ADGRA2: variants seen among roughly 807,000 people sequenced by gnomAD.
ADGRA2 encodes the protein G-protein coupled receptor 124.
Under a neutral mutation model 98.7 loss-of-function variants are expected in ADGRA2, and 61 were observed. That is an observed-to-expected ratio of 0.62 (90% CI 0.50 to 0.76). The LOEUF (loss-of-function observed/expected upper bound fraction) is 0.76. Ranked by LOEUF, ADGRA2 falls within the 30% of genes least tolerant of loss-of-function variation. The probability of loss-of-function intolerance (pLI) is 0.00; values close to 1 mark genes in which losing one functional copy is unlikely to be tolerated. For synonymous variants in ADGRA2, 858 were observed against 831.5 expected (o/e 1.03, Z -0.55); for missense variants, 1,712 against 1,860.0 (o/e 0.92, Z 1.46).
intron 1 of ADGRA2, among the ~76,000 whole-genome samples, chr8:37,812,409 C>T (rs1040331720): frequency 6.6e-6 from 1 of 152,056 alleles, no homozygotes; most frequent in Non-Finnish European, 1.5e-5. Flanking sequence ...GGGTGGATCA[C>T]GAAGTCAGGA....
In ADGRA2 at chr8:37,841,006, T is replaced by C; in HGVS notation, c.2748-80T>C. 1 of 1,391,068 alleles carries C rather than the reference T, an allele frequency of 7.2e-7. No homozygotes were observed. The highest frequency in any genetic ancestry group is 9.9e-7 in the Non-Finnish European group (1 of 1,006,346). The allele number at this position is 1,391,068 out of a possible 1,614,324, so 86.2% of individuals were successfully genotyped here. On this transcript the variant is annotated intron_variant, in intron 18 of 18. Coordinates refer to ENST00000412232, the MANE Select transcript of ADGRA2 (RefSeq NM_032777.10). The surrounding 1 kb of genome is among the most constrained non-coding windows in gnomAD (Gnocchi z 5.0). ...CCTTGTCTCCGTACTCACCATATCC[T>C]GTCTCCCCAACCACCCCGGCCCCCA...
Position 37,797,370 on chromosome 8 carries a change from GC to G in ADGRA2, c.105del (p.Gly36AlafsTer19). 7.0e-7 allele frequency: 1 copy of G among 1,422,610 alleles called. No individual in the cohort carries two copies. The allele number at this position is 1,422,610 out of a possible 1,614,324, so 88.1% of individuals were successfully genotyped here. A position where few individuals can be genotyped will look rare whatever the true frequency, so the allele number is the denominator to read the frequency against. On this transcript the variant is annotated frameshift_variant, in exon 1 of 19. Coordinates refer to ENST00000412232, the MANE Select transcript of ADGRA2 (RefSeq NM_032777.10). LOFTEE classifies it high-confidence loss of function. This position sits in a 1 kb window ranked among gnomAD's most constrained non-coding sequence, Gnocchi z 5.3. ...LLLAPEARGA[P>X]GCPLSIRSCK... Reference sequence around the variant, plus strand: ...TCCTGGCGCCCGAGGCTCGGGGCGCGCCCGGCTGCCCGCTATCCATCCGCAG... The same window carrying G: ...TCCTGGCGCCCGAGGCTCGGGGCGCGCCGGCTGCCCGCTATCCATCCGCAG...
At chr8:37,810,418 A>G (rs1468786658) in intron 1 of ADGRA2, among the ~76,000 whole-genome samples, 1 of 152,034 alleles carries the variant, frequency 6.6e-6, no homozygotes, top group Non-Finnish European at 1.5e-5. Flanking sequence ...CGGCAGTAGG[A>G]GAATCGCTTG....
Position 37,830,579 on chromosome 8 carries a change from C to T in ADGRA2, c.719-131C>T. 3 of 656,720 alleles carry T rather than the reference C, an allele frequency of 4.6e-6. No individual in the cohort carries two copies. The highest frequency in any genetic ancestry group is 8.0e-6 in the Non-Finnish European group (3 of 376,746). The allele number at this position is 656,720 out of a possible 1,614,324, so 40.7% of individuals were successfully genotyped here. Reference sequence around the variant, plus strand: ...AGAGACTTTCTCTTGACCCCTTTTCCTTCCCAGCTGGAGCAGGCTGCAGGC... The same window carrying T: ...AGAGACTTTCTCTTGACCCCTTTTCTTTCCCAGCTGGAGCAGGCTGCAGGC... On this transcript the variant is annotated intron_variant, in intron 6 of 18. Coordinates refer to ENST00000412232, the MANE Select transcript of ADGRA2 (RefSeq NM_032777.10). This position sits in a 1 kb window ranked among gnomAD's most constrained non-coding sequence, Gnocchi z 4.8.
intron 1 of ADGRA2, among the ~76,000 whole-genome samples, chr8:37,806,293 CAATG>C (rs1032600128): frequency 1.3e-5 from 2 of 152,044 alleles, no homozygotes; most frequent in African/African-American, 4.8e-5. Flanking sequence ...TAGCTCTGAG[CAATG>C]AATGAATGAA....
At position 37,830,802 on chromosome 8, in the gene ADGRA2, A is replaced by G; in HGVS notation, c.811A>G (p.Ser271Gly). ...GDRLPFQCSA[S>G]YLGNDTRIRW... ...TCGGCTGCCCTTCCAGTGCTCTGCC[A>G]GCTACCTGGGCAACGACACCCGCAT... Residue 271 changes from serine (S) to glycine (G), a missense_variant, in exon 7 of 19, where the codon AGC (serine) becomes GGC (glycine). By Grantham distance (56) the Ser-to-Gly change is moderately conservative. Coordinates refer to ENST00000412232, the MANE Select transcript of ADGRA2 (RefSeq NM_032777.10). This position sits in a 1 kb window ranked among gnomAD's most constrained non-coding sequence, Gnocchi z 4.8. 6.3e-7 allele frequency: 1 copy of G among 1,593,542 alleles called. No individual in the cohort carries two copies. Among genetic ancestry groups the G allele is most frequent in the East Asian group, 2.3e-5 (1 of 43,664 alleles).
In ADGRA2 at chr8:37,802,950, G is replaced by A. The variant is rs547356038; in HGVS notation, c.266+5416G>A. On this transcript the variant is annotated intron_variant, in intron 1 of 18. Coordinates refer to ENST00000412232, the MANE Select transcript of ADGRA2 (RefSeq NM_032777.10). The surrounding 1 kb of genome is among the most constrained non-coding windows in gnomAD (Gnocchi z 4.7). Reference sequence around the variant, plus strand: ...TTTGGCCGGAGTTACTCCTGCATGTGCATGAACCCAACCACTCCTGAAGCC... The same window carrying A: ...TTTGGCCGGAGTTACTCCTGCATGTACATGAACCCAACCACTCCTGAAGCC... Among the ~76,000 whole-genome samples the A allele has an allele frequency of 1.3e-5, 2 of 152,290 alleles. No individual in the cohort carries two copies. The highest frequency in any genetic ancestry group is 4.8e-5 in the African/African-American group (2 of 41,562).
rs141419901 is a variant in ADGRA2, at chr8:37,814,780, G to A, written c.267-116G>A. 2.1e-5 allele frequency: 16 copies of A among 750,350 alleles called. No individual in the cohort carries two copies. The highest frequency in any genetic ancestry group is 1.7e-4 in the East Asian group (7 of 40,122). The allele number at this position is 750,350 out of a possible 1,614,324, so 46.5% of individuals were successfully genotyped here. The stretch of plus-strand genomic sequence containing the variant: ...AGTAGAGGGTGGGGGCTGCTGCCTC[G>A]CACAACTCCAGGGGGCGCCATTGAC... On this transcript the variant is annotated intron_variant, in intron 1 of 18. Transcript: ENST00000412232. The surrounding 1 kb of genome is among the most constrained non-coding windows in gnomAD (Gnocchi z 4.3).
intron 3 of ADGRA2, 95 bp from the exon 4 acceptor site, chr8:37,829,166 C>A (rs897321006): frequency 4.4e-5 from 44 of 993,992 alleles, no homozygotes; most frequent in East Asian, 2.4e-5. Context: ...ATCCCACCCC[C>A]CAACACAAGC....
rs945096630 is a variant in ADGRA2 at position 37,830,551 on chromosome 8, C to G, written c.719-159C>G. ...CCTGTCCCTCCCCTTTACCCTTACC[C>G]CTAGAGACTTTCTCTTGACCCCTTT... On this transcript the variant is annotated intron_variant, in intron 6 of 18. Transcript: ENST00000412232. This position sits in a 1 kb window ranked among gnomAD's most constrained non-coding sequence, Gnocchi z 4.8. Among the ~76,000 whole-genome samples, 1 of 152,220 alleles carries G rather than the reference C, an allele frequency of 6.6e-6. No homozygotes were observed. Among genetic ancestry groups the G allele is most frequent in the African/African-American group, 2.4e-5 (1 of 41,452 alleles).
chr8:37,819,955 G>GCCA (rs1298379198), intron 2 of ADGRA2, among the ~76,000 whole-genome samples: 1 of 152,206 alleles, frequency 6.6e-6, no homozygotes, highest in East Asian at 1.9e-4. Flanking sequence ...ACAGGCATGA[G>GCCA]CCACCACGTC....
intron 2 of ADGRA2, among the ~76,000 whole-genome samples, chr8:37,826,749 G>T (rs1182729352): frequency 6.6e-6 from 1 of 152,168 alleles, no homozygotes; most frequent in African/African-American, 2.4e-5. Flanking sequence ...AGCCGGCTTG[G>T]TTAACCCCCT....
intron 1 of ADGRA2, among the ~76,000 whole-genome samples, chr8:37,798,170 C>T: frequency 6.6e-6 from 1 of 152,210 alleles, no homozygotes; most frequent in Non-Finnish European, 1.5e-5. Flanking sequence ...CTCTAGAGGC[C>T]CCTCTCCCAC....
At position 37,830,020 on chromosome 8, in the gene ADGRA2, C is replaced by G; in HGVS notation, c.718+6C>G. ...GGAGGCCCAGCTCTGCTGCGGTGAG[C>G]AAGTCCCCCCAGCTACACATCTCCC... On this transcript the variant is annotated splice_donor_region_variant and intron_variant, in intron 6 of 18. Coordinates refer to ENST00000412232, the MANE Select transcript of ADGRA2 (RefSeq NM_032777.10). The surrounding 1 kb of genome is among the most constrained non-coding windows in gnomAD (Gnocchi z 4.8). 3 of 1,518,772 alleles carry G rather than the reference C, an allele frequency of 2.0e-6. No individual in the cohort carries two copies. The highest frequency in any genetic ancestry group is 2.7e-6 in the Non-Finnish European group (3 of 1,131,818). 94.1% of individuals were successfully genotyped at this position (1,518,772 alleles called of 1,614,324 possible).
chr8:37,829,858 G>A lies in ADGRA2; in HGVS notation c.562G>A (p.Gly188Ser), dbSNP rs1285369824. 1 of 1,611,106 alleles carries A rather than the reference G, an allele frequency of 6.2e-7. No individual in the cohort carries two copies. Among genetic ancestry groups the A allele is most frequent in the East Asian group, 2.2e-5 (1 of 44,882 alleles). The change falls in exon 6 of 19, where the codon GGC becomes AGC. Residue 188 changes from glycine to serine, a missense_variant. By Grantham distance (56) the Gly-to-Ser change is moderately conservative (BLOSUM62 0). Transcript: ENST00000412232. ...CCTCTGCCCACCCTGCAGGGACTTG[G>A]GCACCGAGTTCCTGACCTGTGACTG... ...ELPALKVVDLGTEFLTCDCHL... is the reference protein window; with the variant it reads ...ELPALKVVDLSTEFLTCDCHL...
At chr8:37,806,914 T>C (rs1324862270) in intron 1 of ADGRA2, among the ~76,000 whole-genome samples, 1 of 152,150 alleles carries the variant, frequency 6.6e-6, no homozygotes, top group African/African-American at 2.4e-5. Context: ...AGTTTCTTGG[T>C]TCCCCCTGCT....
chr8:37,799,658 G>A (rs1804441417), intron 1 of ADGRA2, among the ~76,000 whole-genome samples: 1 of 152,080 alleles, frequency 6.6e-6, no homozygotes, highest in South Asian at 2.1e-4. Context: ...AGAACCGGCT[G>A]GCAGCAAAGG....
At chr8:37,800,232 G>T (rs534410031) in intron 1 of ADGRA2, among the ~76,000 whole-genome samples, 224 of 152,364 alleles carry the variant, frequency 1.5e-3, no homozygotes, top group Non-Finnish European at 2.8e-3. Context: ...AGTCAGTAAG[G>T]CTGAAATGCT....
chr8:37,814,319 A>G lies in ADGRA2; in HGVS notation c.267-577A>G, dbSNP rs371366283. On this transcript the variant is annotated intron_variant, in intron 1 of 18. Transcript: ENST00000412232. This position sits in a 1 kb window ranked among gnomAD's most constrained non-coding sequence, Gnocchi z 4.3. ...TCGGGGCTCCATTGGCTTTCTGCCA[A>G]GGCTTCAGAAGGCTTAGGAGGCCAG... 3.3e-4 allele frequency among the ~76,000 whole-genome samples: 50 copies of G among 152,272 alleles called. No individual in the cohort carries two copies. The highest frequency in any genetic ancestry group is 1.2e-3 in the African/African-American group (48 of 41,554).
Sources: allele counts gnomAD v4.1 joint callset (sites outside exome capture counted in the v4.1 genomes callset), GRCh38; gene constraint gnomAD v4.1.1; non-coding constraint Gnocchi (gnomAD v3.1); transcripts MANE v1.5; gene names NCBI Gene and HGNC (gene_info 2026-07-23, HGNC 2026-07-21).